SLC4A5: variants seen among roughly 807,000 people sequenced by gnomAD.
SLC4A5 encodes the protein electrogenic sodium bicarbonate cotransporter 4.
In SLC4A5, 96 loss-of-function variants were observed where a neutral mutation model predicts 120.4. That is an observed-to-expected ratio of 0.80 (90% CI 0.68 to 0.94). The LOEUF (loss-of-function observed/expected upper bound fraction) is 0.94, where lower values mean the gene tolerates loss of function less well. Among genes scored for constraint, SLC4A5 ranks in the 40% least tolerant of loss-of-function variants. The pLI is 0.00. For missense variants in SLC4A5, 1,259 were observed against 1,459.5 expected (o/e 0.86, Z 2.24); for synonymous variants, 550 against 571.1 (o/e 0.96, Z 0.53).
chr2:74,229,303 G>A (rs1341167665), intron 25 of SLC4A5, among the ~76,000 whole-genome samples: 1 of 150,468 alleles, frequency 6.6e-6, no homozygotes, highest in Admixed American at 6.6e-5. Context: ...AGGCTGGAGT[G>A]CAGTGGTGCA....
chr2:74,278,406 G>T (rs1229213959), intron 8 of SLC4A5, among the ~76,000 whole-genome samples: 1 of 152,186 alleles, frequency 6.6e-6, no homozygotes, highest in Non-Finnish European at 1.5e-5. Context: ...GTCCCCATGG[G>T]TGTGGACTTG....
intron 3 of SLC4A5, among the ~76,000 whole-genome samples, chr2:74,338,168 C>T (rs1314241121): frequency 6.6e-6 from 1 of 151,986 alleles, no homozygotes; most frequent in Non-Finnish European, 1.5e-5. Context: ...ATGGTGTGGC[C>T]CAGGTTTTGA....
chr2:74,250,197 T>A (rs1462236443), intron 17 of SLC4A5, 146 bp downstream of exon 17: 7 of 661,802 alleles, frequency 1.1e-5, no homozygotes, highest in Non-Finnish European at 1.8e-5. Context: ...TATTATTACT[T>A]GAAGCGTAAA....
chr2:74,334,426 G>A (rs556908127), intron 3 of SLC4A5, among the ~76,000 whole-genome samples: 3 of 152,238 alleles, frequency 2.0e-5, no homozygotes, highest in Non-Finnish European at 4.4e-5. Context: ...CTAATCTTCA[G>A]CCTGACTTGC....
intron 8 of SLC4A5, among the ~76,000 whole-genome samples, chr2:74,271,200 C>T (rs1013147841): frequency 6.6e-6 from 1 of 152,154 alleles, no homozygotes; most frequent in African/African-American, 2.4e-5. Context: ...CCTCTTTCCT[C>T]TCTGTTTTCC....
chr2:74,325,500 T>C (rs1673197228), intron 5 of SLC4A5, among the ~76,000 whole-genome samples: 1 of 152,180 alleles, frequency 6.6e-6, no homozygotes, highest in Admixed American at 6.5e-5. Context: ...AGTCCATCCA[T>C]CTGAAGCTGA....
intron 6 of SLC4A5, among the ~76,000 whole-genome samples, chr2:74,309,656 ATTT>A (rs201372695): frequency 7.1e-6 from 1 of 141,648 alleles, no homozygotes. Flanking sequence ...TGAACATGAA[ATTT>A]TTTTTTTTTT....
At position 74,229,116 on chromosome 2, in the gene SLC4A5, T is replaced by TTTTTTTTTTTG. The variant is rs1553451209; in HGVS notation, c.2848-1239_2848-1238insCAAAAAAAAAA. ...TCTTAGATTTGAGCTTTTTTTTTTT[T>TTTTTTTTTTTG]CTTGAGACAGAGTCTCGATATGTTG... On this transcript the variant is annotated intron_variant, in intron 25 of 30. Coordinates refer to ENST00000394019, the Ensembl canonical transcript of SLC4A5. 2.0e-4 allele frequency among the ~76,000 whole-genome samples: 27 copies of TTTTTTTTTTTG among 136,528 alleles called. 5 individuals carry two copies. Among genetic ancestry groups the TTTTTTTTTTTG allele is most frequent in the East Asian group, 7.6e-4 (3 of 3,928 alleles). The allele number at this position is 136,528 out of a possible 152,430, so 89.6% of individuals were successfully genotyped here. A position where few individuals can be genotyped will look rare whatever the true frequency, so the allele number is the denominator to read the frequency against.
intron 1 of SLC4A5, among the ~76,000 whole-genome samples, chr2:74,342,950 C>A (rs1673658403): frequency 1.3e-5 from 2 of 152,100 alleles, no homozygotes; most frequent in Non-Finnish European, 2.9e-5. Context: ...ACTCCCATGG[C>A]TCAAGAATAT....
chr2:74,264,440 G>C, intron 9 of SLC4A5, 141 bp from the exon 10 acceptor site: 1 of 928,032 alleles, frequency 1.1e-6, no homozygotes, highest in South Asian at 1.8e-5. Flanking sequence ...CACTAGCTGT[G>C]GAAAACTGGG....
intron 12 of SLC4A5, among the ~76,000 whole-genome samples, chr2:74,259,274 T>G (rs1364470922): frequency 1.3e-5 from 2 of 152,196 alleles, no homozygotes; most frequent in African/African-American, 4.8e-5. Context: ...ACAGGATAGA[T>G]GAAGCCATGT....
intron 17 of SLC4A5, 21 bp downstream of exon 17, chr2:74,250,322 A>G: frequency 6.2e-7 from 1 of 1,607,274 alleles, no homozygotes; most frequent in Non-Finnish European, 8.5e-7. Context: ...TTTTACACTC[A>G]GGGCACCGGC....
intron 7 of SLC4A5, among the ~76,000 whole-genome samples, chr2:74,300,060 T>C (rs1672432269): frequency 6.6e-6 from 1 of 152,248 alleles, no homozygotes; most frequent in East Asian, 1.9e-4. Context: ...AAGGAAATTC[T>C]GCCATTTGTT....
intron 6 of SLC4A5, among the ~76,000 whole-genome samples, chr2:74,313,903 G>A (rs918018760): frequency 6.6e-6 from 1 of 152,180 alleles, no homozygotes; most frequent in African/African-American, 2.4e-5. Flanking sequence ...AGCTGCCCTA[G>A]GTGCTCCCTG....
intron 7 of SLC4A5, chr2:74,290,801 G>C: frequency 1.0e-6 from 1 of 985,212 alleles, no homozygotes; most frequent in Non-Finnish European, 1.2e-6. Flanking sequence ...CCTGTGAGAG[G>C]ACTGGCAAAA....
chr2:74,238,135 TAGC>T (rs750095561), intron 21 of SLC4A5, among the ~76,000 whole-genome samples: 3 of 151,724 alleles, frequency 2.0e-5, no homozygotes, highest in Non-Finnish European at 4.4e-5. Flanking sequence ...AATAATAACA[TAGC>T]AGTTAGCATT....
At chr2:74,318,541 C>A (rs1673021338) in intron 5 of SLC4A5, among the ~76,000 whole-genome samples, 1 of 152,048 alleles carries the variant, frequency 6.6e-6, no homozygotes, top group Admixed American at 6.6e-5. Context: ...CAAAAATTAG[C>A]CAGGTGTGGT....
exon 28 of SLC4A5, chr2:74,224,880 C>CTCT (rs1390621398): frequency 6.2e-7 from 1 of 1,613,710 alleles, no homozygotes; most frequent in Non-Finnish European, 8.5e-7. Flanking sequence ...TTTTCTCTTC[C>CTCT]TCTTCTTGTC....
chr2:74,324,034 T>C (rs564305629), intron 5 of SLC4A5, among the ~76,000 whole-genome samples: 64 of 152,376 alleles, frequency 4.2e-4, no homozygotes, highest in African/African-American at 1.5e-3. Flanking sequence ...CATGTGTTAA[T>C]TGATTTTTAA....
Sources: gnomAD v4.1 joint callset for allele counts (sites outside exome capture counted in the v4.1 genomes callset) on GRCh38, gnomAD v4.1.1 for gene constraint, MANE v1.5 for transcripts, NCBI Gene and HGNC (gene_info 2026-07-23, HGNC 2026-07-21) for gene names.